PCSK6: variants seen among roughly 807,000 people sequenced by gnomAD.
PCSK6 encodes the protein paired basic amino acid cleaving enzyme 4.
A neutral mutation model predicts 123.3 loss-of-function variants in PCSK6; 85 were observed. The observed-to-expected ratio is 0.69, with a 90% confidence interval of 0.58 to 0.83. The LOEUF is 0.83. Among genes scored for constraint, PCSK6 ranks in the 40% least tolerant of loss-of-function variants. The pLI, the probability that PCSK6 is intolerant of heterozygous loss-of-function variation, is 0.00. For synonymous variants in PCSK6, 508 were observed against 516.0 expected (o/e 0.98, Z 0.21); for missense variants, 1,191 against 1,282.3 (o/e 0.93, Z 1.09).
intron 6 of PCSK6, among the ~76,000 whole-genome samples, chr15:101,420,083 C>T (rs1474292068): frequency 1.3e-5 from 2 of 149,356 alleles, no homozygotes; most frequent in Admixed American, 6.7e-5. Flanking sequence ...CCCAGGTACT[C>T]GGGAGGCTGA....
At chr15:101,329,648 C>T (rs986984737) in intron 15 of PCSK6, among the ~76,000 whole-genome samples, 3 of 152,210 alleles carry the variant, frequency 2.0e-5, no homozygotes, top group African/African-American at 7.2e-5. Flanking sequence ...GGTGGAGCTG[C>T]CCTGGAACTC....
chr15:101,478,677 G>A (rs1235152713), intron 1 of PCSK6, among the ~76,000 whole-genome samples: 3 of 152,198 alleles, frequency 2.0e-5, no homozygotes, highest in Admixed American at 1.3e-4. Flanking sequence ...GAGTAGCCAC[G>A]TGGCACAGAT....
chr15:101,457,537 G>A (rs923395797), intron 1 of PCSK6, among the ~76,000 whole-genome samples: 1 of 152,268 alleles, frequency 6.6e-6, no homozygotes, highest in Non-Finnish European at 1.5e-5. Flanking sequence ...TTTGTGGGGG[G>A]AAGTGCATTG....
intron 1 of PCSK6, among the ~76,000 whole-genome samples, chr15:101,471,455 C>T (rs1343352007): frequency 1.3e-5 from 2 of 152,192 alleles, no homozygotes; most frequent in African/African-American, 4.8e-5. Flanking sequence ...CTTGATTCTA[C>T]CATTAACATA....
chr15:101,378,946 G>A (rs536284213), intron 11 of PCSK6, among the ~76,000 whole-genome samples: 5 of 152,372 alleles, frequency 3.3e-5, no homozygotes, highest in Admixed American at 6.5e-5. Context: ...TCTGCAGCCC[G>A]CATTGTGCTG....
chr15:101,463,172 G>C (rs767971112), intron 1 of PCSK6: 9 of 453,918 alleles, frequency 2.0e-5, no homozygotes, highest in Non-Finnish European at 3.6e-5. Context: ...ACACACAGGG[G>C]CCTTCTGGTT....
chr15:101,427,271 G>A (rs2056290946), intron 6 of PCSK6, among the ~76,000 whole-genome samples: 1 of 152,164 alleles, frequency 6.6e-6, no homozygotes, highest in Non-Finnish European at 1.5e-5. Flanking sequence ...ATGAGACGGG[G>A]GACAGCTGGA....
intron 13 of PCSK6, among the ~76,000 whole-genome samples, chr15:101,336,232 G>A (rs182884051): frequency 4.5e-4 from 69 of 152,300 alleles, no homozygotes; most frequent in Non-Finnish European, 5.9e-5. Context: ...CATTTGTAAC[G>A]TGGGGATAAT....
intron 13 of PCSK6, among the ~76,000 whole-genome samples, chr15:101,348,156 G>A (rs983820173): frequency 4.5e-5 from 6 of 134,080 alleles, no homozygotes; most frequent in Admixed American, 4.0e-4. Flanking sequence ...CCCCCCCGGG[G>A]TCCCGCTGGG....
intron 7 of PCSK6, among the ~76,000 whole-genome samples, chr15:101,395,102 T>A (rs1246768078): frequency 1.3e-5 from 2 of 152,200 alleles, no homozygotes; most frequent in African/African-American, 2.4e-5. Flanking sequence ...CTGTCCTTAT[T>A]CCAGGTGAGA....
chr15:101,362,808 C>T (rs1180698799), intron 13 of PCSK6, among the ~76,000 whole-genome samples: 1 of 152,212 alleles, frequency 6.6e-6, no homozygotes, highest in Non-Finnish European at 1.5e-5. Context: ...AGCATCTACC[C>T]CCAGGTAGAA....
At chr15:101,314,695 A>T (rs987732961) in intron 19 of PCSK6, among the ~76,000 whole-genome samples, 7 of 152,242 alleles carry the variant, frequency 4.6e-5, no homozygotes, top group African/African-American at 1.7e-4. Flanking sequence ...TCCTCCTTGG[A>T]GAGTCAGGAA....
chr15:101,346,574 A>G (rs533355021), intron 13 of PCSK6: 1 of 348,264 alleles, frequency 2.9e-6, no homozygotes, highest in East Asian at 4.4e-5. Context: ...ATGTTCGAAA[A>G]TCAAACACAC....
intron 6 of PCSK6, among the ~76,000 whole-genome samples, chr15:101,403,070 G>A (rs1443591650): frequency 2.3e-4 from 35 of 151,754 alleles, no homozygotes; most frequent in South Asian, 1.0e-3. Context: ...GCACATATAC[G>A]CCATGGAATA....
At chr15:101,334,257 C>T (rs1167335334) in intron 13 of PCSK6, 3 of 96,816 alleles carry the variant, frequency 3.1e-5, no homozygotes, top group African/African-American at 1.2e-4. Context: ...TTGTTCTCAC[C>T]GCTGCAGCAG....
At chr15:101,445,889 T>C (rs1249034322) in intron 1 of PCSK6, among the ~76,000 whole-genome samples, 1 of 152,222 alleles carries the variant, frequency 6.6e-6, no homozygotes, top group East Asian at 1.9e-4. Context: ...CACCTGGCCT[T>C]TGACCAGCTA....
At chr15:101,387,129 G>A (rs2042087336) in intron 9 of PCSK6, among the ~76,000 whole-genome samples, 1 of 152,176 alleles carries the variant, frequency 6.6e-6, no homozygotes, top group Non-Finnish European at 1.5e-5. Flanking sequence ...TCCGTGTCCA[G>A]TGGCTCAGTC....
intron 13 of PCSK6, among the ~76,000 whole-genome samples, chr15:101,362,105 C>T (rs781776431): frequency 3.3e-5 from 5 of 151,914 alleles, no homozygotes; most frequent in South Asian, 2.1e-4. Context: ...TACAGGTGCC[C>T]GCCACCATGC....
intron 3 of PCSK6, 136 bp downstream of exon 3, chr15:101,431,854 G>A (rs576470261): frequency 7.7e-5 from 55 of 713,902 alleles, no homozygotes; most frequent in Middle Eastern, 6.8e-4. Context: ...TTGCGGTAGT[G>A]GTTTTACACC....
Sources: allele counts gnomAD v4.1 joint callset (sites outside exome capture counted in the v4.1 genomes callset), GRCh38; gene constraint gnomAD v4.1.1; transcripts MANE v1.5; gene names NCBI Gene and HGNC (gene_info 2026-07-23, HGNC 2026-07-21).